The following ZNF385D variants were observed in gnomAD, a reference collection of about 807,000 sequenced individuals.
ZNF385D encodes the protein zinc finger protein 659.
A neutral mutation model predicts 35.8 loss-of-function variants in ZNF385D; 15 were observed. The observed-to-expected ratio is 0.42, with a 90% confidence interval of 0.28 to 0.64. The LOEUF (loss-of-function observed/expected upper bound fraction) is 0.64. ZNF385D is among the 30% of genes least tolerant of loss of function. ZNF385D has a pLI of 0.23. For missense variants in ZNF385D, 474 were observed against 494.6 expected, an observed-to-expected ratio of 0.96 and a Z score of 0.39; for synonymous variants, 212 against 186.8, an observed-to-expected ratio of 1.13 and a Z score of -1.10.
chr3:22,180,095 TA>T (rs1329473733), intron 2 of ZNF385D, among the ~76,000 whole-genome samples: 1 of 152,016 alleles, frequency 6.6e-6, no homozygotes, highest in East Asian at 1.9e-4. Context: ...TAAAAAATGA[TA>T]AAGGGGATAT....
At chr3:22,311,867 T>A (rs1302215645) in intron 2 of ZNF385D, among the ~76,000 whole-genome samples, 2 of 152,114 alleles carry the variant, frequency 1.3e-5, no homozygotes, top group Non-Finnish European at 2.9e-5. Flanking sequence ...GGAGTACTGC[T>A]ATACACCTAC....
At chr3:22,206,313 C>T (rs1348858016) in intron 2 of ZNF385D, among the ~76,000 whole-genome samples, 1 of 151,860 alleles carries the variant, frequency 6.6e-6, no homozygotes, top group Admixed American at 6.6e-5. Context: ...GAGAGATAGA[C>T]CCTAATACAA....
chr3:21,922,395 A>C (rs1700513134), intron 3 of ZNF385D, among the ~76,000 whole-genome samples: 1 of 152,246 alleles, frequency 6.6e-6, no homozygotes. Flanking sequence ...ACTATACTAT[A>C]AAGCTACAAC....
At chr3:22,323,024 C>T (rs113684279) in intron 2 of ZNF385D, among the ~76,000 whole-genome samples, 6 of 152,186 alleles carry the variant, frequency 3.9e-5, no homozygotes, top group South Asian at 2.1e-4. Flanking sequence ...CTCCTGAAAA[C>T]GATAGAAAGC....
chr3:21,956,136 G>A (rs570061246), intron 3 of ZNF385D, among the ~76,000 whole-genome samples: 14 of 152,020 alleles, frequency 9.2e-5, no homozygotes, highest in Middle Eastern at 3.4e-3. Context: ...GCAGTGAGCC[G>A]TGATCACACC....
At chr3:21,768,132 G>C (rs186078612) in intron 3 of ZNF385D, among the ~76,000 whole-genome samples, 48 of 152,144 alleles carry the variant, frequency 3.2e-4, no homozygotes, top group Non-Finnish European at 5.1e-4. Flanking sequence ...TGCACTAAAT[G>C]AGAGAATCCC....
At chr3:22,148,854 T>C (rs751050831) in intron 3 of ZNF385D, among the ~76,000 whole-genome samples, 2 of 152,170 alleles carry the variant, frequency 1.3e-5, no homozygotes, top group Admixed American at 6.6e-5. Context: ...AATTGCTTCC[T>C]AAAGAAAGAT....
At chr3:22,285,935 A>G (rs1016600986) in intron 2 of ZNF385D, among the ~76,000 whole-genome samples, 4 of 152,112 alleles carry the variant, frequency 2.6e-5, no homozygotes, top group Non-Finnish European at 5.9e-5. Flanking sequence ...GTAGTTACAT[A>G]TAAATTCAGG....
intron 2 of ZNF385D, among the ~76,000 whole-genome samples, chr3:22,342,743 A>G (rs1289179313): frequency 6.6e-6 from 1 of 152,236 alleles, no homozygotes; most frequent in Non-Finnish European, 1.5e-5. Flanking sequence ...AGCAAAGAAT[A>G]TAGAAAATAA....
At chr3:21,948,284 CTA>C in intron 3 of ZNF385D, among the ~76,000 whole-genome samples, 1 of 151,876 alleles carries the variant, frequency 6.6e-6, no homozygotes, top group East Asian at 1.9e-4. Context: ...AATATTGGCT[CTA>C]TGACATAAAA....
intron 3 of ZNF385D, among the ~76,000 whole-genome samples, chr3:21,810,998 G>GTGTGTA (rs576386621): frequency 0.11 from 16,473 of 144,186 alleles, 1,169 homozygotes; most frequent in East Asian, 0.34. Context: ...GTGTGTGTGT[G>GTGTGTA]TATATATATA....
intron 2 of ZNF385D, among the ~76,000 whole-genome samples, chr3:22,200,505 G>A (rs1301225699): frequency 2.6e-5 from 4 of 152,022 alleles, no homozygotes; most frequent in Admixed American, 1.3e-4. Context: ...TCAAATGGAG[G>A]CAGGGCAAGA....
chr3:22,264,299 A>G (rs1700785336), intron 2 of ZNF385D, among the ~76,000 whole-genome samples: 1 of 152,064 alleles, frequency 6.6e-6, no homozygotes, highest in Non-Finnish European at 1.5e-5. Context: ...AAGGTCAGCA[A>G]GAGAAAGGAA....
intron 2 of ZNF385D, among the ~76,000 whole-genome samples, chr3:22,271,306 G>A (rs1701165143): frequency 6.6e-6 from 1 of 151,970 alleles, no homozygotes; most frequent in South Asian, 2.1e-4. Flanking sequence ...AGAAAAAGAT[G>A]TTGGAGAAGA....
intron 2 of ZNF385D, among the ~76,000 whole-genome samples, chr3:22,170,556 C>A (rs984990023): frequency 1.3e-5 from 2 of 152,008 alleles, no homozygotes; most frequent in Admixed American, 1.3e-4. Flanking sequence ...TATTAACTTC[C>A]TTTTAAAAAG....
At chr3:22,046,254 T>C (rs925490895) in intron 3 of ZNF385D, among the ~76,000 whole-genome samples, 9 of 152,162 alleles carry the variant, frequency 5.9e-5, no homozygotes, top group African/African-American at 1.9e-4. Flanking sequence ...GATAAACTTC[T>C]ATTTTCTAAA....
At chr3:21,572,905 G>C (rs1271965631) in intron 2 of ZNF385D, among the ~76,000 whole-genome samples, 1 of 152,112 alleles carries the variant, frequency 6.6e-6, no homozygotes, top group Admixed American at 6.6e-5. Flanking sequence ...GGACTTATAT[G>C]TCATATCTCA....
At chr3:22,042,023 T>C (rs941332764) in intron 3 of ZNF385D, among the ~76,000 whole-genome samples, 1 of 152,182 alleles carries the variant, frequency 6.6e-6, no homozygotes, top group African/African-American at 2.4e-5. Flanking sequence ...TGTGTTTTAA[T>C]AGGAGAAACA....
At chr3:22,114,921 G>C (rs560777447) in intron 3 of ZNF385D, among the ~76,000 whole-genome samples, 1 of 152,028 alleles carries the variant, frequency 6.6e-6, no homozygotes. Context: ...TCCACCATGT[G>C]AAAGCACAGC....
Sources: allele counts gnomAD v4.1 joint callset (sites outside exome capture counted in the v4.1 genomes callset), GRCh38; gene constraint gnomAD v4.1.1; transcripts MANE v1.5; gene names NCBI Gene and HGNC (gene_info 2026-07-23, HGNC 2026-07-21).